ADGRL2: variants seen among roughly 807,000 people sequenced by gnomAD.
ADGRL2 encodes adhesion G protein-coupled receptor L2.
ADGRL2 carries 44 observed loss-of-function variants against 157.4 expected under a neutral mutation model. The observed-to-expected ratio is 0.28, with a 90% confidence interval of 0.22 to 0.36. The LOEUF (loss-of-function observed/expected upper bound fraction) is 0.36, where lower values mean the gene tolerates loss of function less well. Ranked by LOEUF, ADGRL2 falls within the 10% of genes least tolerant of loss-of-function variation. The pLI is 1.00. For missense variants in ADGRL2, 1,510 were observed against 1,768.9 expected, an observed-to-expected ratio of 0.85 and a Z score of 2.63; for synonymous variants, 585 against 624.7, an observed-to-expected ratio of 0.94 and a Z score of 0.95.
intron 3 of ADGRL2, among the ~76,000 whole-genome samples, chr1:81,916,984 T>A (rs1372041073): frequency 1.3e-5 from 2 of 151,576 alleles, no homozygotes; most frequent in African/African-American, 2.4e-5. Context: ...AAAAAAAAAA[T>A]ACATATATAT....
upstream of ADGRL2, among the ~76,000 whole-genome samples, chr1:81,698,844 A>T (rs2083498778): frequency 6.6e-6 from 1 of 152,198 alleles, no homozygotes; most frequent in Admixed American, 6.5e-5. Flanking sequence ...CAATGCCTGA[A>T]TTCCATTTAC....
At chr1:81,471,399 A>G (rs1197957481) in intron 2 of ADGRL2, among the ~76,000 whole-genome samples, 2 of 152,152 alleles carry the variant, frequency 1.3e-5, no homozygotes, top group Non-Finnish European at 2.9e-5. Flanking sequence ...GCTACCCCAC[A>G]TGCTTTCAAT....
At chr1:81,878,824 C>T (rs929694539) in intron 2 of ADGRL2, among the ~76,000 whole-genome samples, 6 of 152,126 alleles carry the variant, frequency 3.9e-5, no homozygotes, top group Non-Finnish European at 8.8e-5. Flanking sequence ...GTCTTGAACA[C>T]ACTAAGAATA....
chr1:81,563,563 A>G (rs1431279588), intron 2 of ADGRL2, among the ~76,000 whole-genome samples: 1 of 152,180 alleles, frequency 6.6e-6, no homozygotes, highest in Non-Finnish European at 1.5e-5. Context: ...TTTTATATGT[A>G]CTTTGGTGAG....
At chr1:81,452,549 G>A (rs900363947) in intron 2 of ADGRL2, among the ~76,000 whole-genome samples, 2 of 152,146 alleles carry the variant, frequency 1.3e-5, no homozygotes, top group Non-Finnish European at 2.9e-5. Flanking sequence ...CAGGACTACT[G>A]ACTTGTAAGG....
chr1:81,521,864 G>C (rs1348166467), intron 2 of ADGRL2, among the ~76,000 whole-genome samples: 3 of 151,964 alleles, frequency 2.0e-5, no homozygotes, highest in Non-Finnish European at 2.9e-5. Flanking sequence ...TCTCCTGTGT[G>C]TATTAACCTC....
At chr1:81,982,445 TCTTA>T (rs1558047459) in intron 19 of ADGRL2, among the ~76,000 whole-genome samples, 1 of 151,920 alleles carries the variant, frequency 6.6e-6, no homozygotes, top group African/African-American at 2.4e-5. Flanking sequence ...GTACCTTACA[TCTTA>T]CTTACTGTTT....
chr1:81,601,481 A>G (rs2148633299), intron 3 of ADGRL2, among the ~76,000 whole-genome samples: 1 of 152,294 alleles, frequency 6.6e-6, no homozygotes, highest in South Asian at 2.1e-4. Flanking sequence ...AATTAAAAGG[A>G]ACAGTTTGAA....
intron 1 of ADGRL2, among the ~76,000 whole-genome samples, chr1:81,340,436 T>A (rs968547393): frequency 6.6e-6 from 1 of 152,090 alleles, no homozygotes; most frequent in Non-Finnish European, 1.5e-5. Context: ...ACAGAAGCAA[T>A]TTTTTCTCTT....
chr1:81,469,433 A>C (rs1227287120), intron 2 of ADGRL2, among the ~76,000 whole-genome samples: 1 of 152,104 alleles, frequency 6.6e-6, no homozygotes, highest in Admixed American at 6.6e-5. Context: ...ACAGACTCAC[A>C]TCCACTCTCA....
chr1:81,559,268 T>C (rs548167983), intron 2 of ADGRL2, among the ~76,000 whole-genome samples: 66 of 152,136 alleles, frequency 4.3e-4, no homozygotes, highest in Non-Finnish European at 8.2e-4. Context: ...CTAATTAATA[T>C]AAAATTAATG....
chr1:81,615,429 C>T (rs888168654), intron 3 of ADGRL2, among the ~76,000 whole-genome samples: 5 of 152,208 alleles, frequency 3.3e-5, no homozygotes, highest in Middle Eastern at 3.2e-3. Context: ...TGGGTCTATG[C>T]GCCACCTTTA....
At chr1:81,453,850 C>A (rs1487693555) in intron 2 of ADGRL2, among the ~76,000 whole-genome samples, 2 of 152,076 alleles carry the variant, frequency 1.3e-5, no homozygotes, top group Non-Finnish European at 2.9e-5. Context: ...ATGTCACTTA[C>A]AATTGTGTCA....
At chr1:81,446,393 C>T (rs1289968996) in intron 2 of ADGRL2, among the ~76,000 whole-genome samples, 8 of 152,162 alleles carry the variant, frequency 5.3e-5, no homozygotes, top group South Asian at 4.1e-4. Context: ...AGATCACAAA[C>T]GGATGATTAT....
chr1:81,722,595 T>C (rs573007922), intron 1 of ADGRL2: 1 of 1,448,354 alleles, frequency 6.9e-7, no homozygotes, highest in South Asian at 1.1e-5. Flanking sequence ...ACTGGGAAGA[T>C]GTAGCCCATG....
chr1:81,747,068 A>G (rs1389351632), intron 1 of ADGRL2, among the ~76,000 whole-genome samples: 1 of 147,112 alleles, frequency 6.8e-6, no homozygotes, highest in East Asian at 2.0e-4. Context: ...ACACATGTGT[A>G]TATATGTATA....
chr1:81,601,159 A>G (rs1161153148), intron 3 of ADGRL2, among the ~76,000 whole-genome samples: 4 of 152,272 alleles, frequency 2.6e-5, no homozygotes, highest in Admixed American at 2.6e-4. Context: ...AAAATAAATC[A>G]TTAAGTAGCA....
chr1:81,845,682 TA>T (rs2092760352), intron 2 of ADGRL2, among the ~76,000 whole-genome samples: 1 of 139,612 alleles, frequency 7.2e-6, no homozygotes, highest in South Asian at 2.4e-4. Flanking sequence ...ATACTTTTCT[TA>T]TTTTTTTTTT....
At chr1:81,479,519 A>G (rs1407790488) in intron 2 of ADGRL2, among the ~76,000 whole-genome samples, 2 of 152,158 alleles carry the variant, frequency 1.3e-5, no homozygotes, top group East Asian at 1.9e-4. Context: ...AAACGCCTTT[A>G]GATACTCTGT....
Sources: allele counts gnomAD v4.1 joint callset (sites outside exome capture counted in the v4.1 genomes callset), GRCh38; gene constraint gnomAD v4.1.1; transcripts MANE v1.5; gene names NCBI Gene and HGNC (gene_info 2026-07-23, HGNC 2026-07-21).